CSMD1: variants seen among roughly 807,000 people sequenced by gnomAD.
The protein encoded by CSMD1 is CUB and sushi domain-containing protein 1.
Under a neutral mutation model 417.5 loss-of-function variants are expected in CSMD1, and 213 were observed. That is an observed-to-expected ratio of 0.51 (90% CI 0.46 to 0.57). CSMD1 has a LOEUF of 0.57. Ranked by LOEUF, CSMD1 falls within the 20% of genes least tolerant of loss-of-function variation. CSMD1 has a pLI of 0.00. For missense variants in CSMD1, 6,923 were observed against 4,529.7 expected (o/e 1.53, Z -15.17); for synonymous variants, 2,862 against 1,736.8 (o/e 1.65, Z -16.11).
At chr8:3,140,381 TCA>T (rs1265299434) in intron 41 of CSMD1, among the ~76,000 whole-genome samples, 5 of 152,072 alleles carry the variant, frequency 3.3e-5, no homozygotes, top group African/African-American at 1.2e-4. Flanking sequence ...CTCTCGTGCT[TCA>T]AGTAGGGAAT....
At chr8:4,981,888 C>A (rs371518345) in intron 1 of CSMD1, among the ~76,000 whole-genome samples, 7 of 152,118 alleles carry the variant, frequency 4.6e-5, no homozygotes, top group African/African-American at 1.7e-4. Flanking sequence ...CCCTCTCACC[C>A]TCTCTCTCTC....
At chr8:3,471,676 CCCTT>C (rs1286832868) in intron 11 of CSMD1, among the ~76,000 whole-genome samples, 131 of 140,168 alleles carry the variant, frequency 9.3e-4, no homozygotes, top group Middle Eastern at 7.5e-3. Context: ...CTCCCTCCCT[CCCTT>C]CCTTCCTTCC....
chr8:4,188,627 C>A (rs150420417), intron 3 of CSMD1, among the ~76,000 whole-genome samples: 1 of 152,046 alleles, frequency 6.6e-6, no homozygotes, highest in East Asian at 1.9e-4. Context: ...GTAAGATTCC[C>A]GCCTTTTATC....
In CSMD1 at chr8:2,960,939, GATAT is replaced by G. The variant is rs3076013; in HGVS notation, c.9702+198_9702+201del. On this transcript the variant is annotated intron_variant, in intron 62 of 69. Coordinates refer to ENST00000635120, the MANE Select transcript of CSMD1 (RefSeq NM_033225.6). Reference sequence around the variant, plus strand: ...TATTCCATTATTATCTAGTAAGCAAGATATATATATATATATATATATATATACA... The same window carrying G: ...TATTCCATTATTATCTAGTAAGCAAGATATATATATATATATATATATACA... 1.9e-3 allele frequency among the ~76,000 whole-genome samples: 236 copies of G among 122,024 alleles called. 1 individual carries two copies. The highest frequency in any genetic ancestry group is 8.2e-3 in the East Asian group (30 of 3,638). 80.1% of individuals were successfully genotyped at this position (122,024 alleles called of 152,430 possible).
chr8:4,888,888 C>T (rs1326027734), intron 1 of CSMD1, among the ~76,000 whole-genome samples: 1 of 151,986 alleles, frequency 6.6e-6, no homozygotes, highest in Non-Finnish European at 1.5e-5. Context: ...AGATTTGTAA[C>T]CCATACATTC....
At chr8:3,012,225 T>C (rs1322684646) in intron 52 of CSMD1, among the ~76,000 whole-genome samples, 1 of 152,228 alleles carries the variant, frequency 6.6e-6, no homozygotes, top group Non-Finnish European at 1.5e-5. Flanking sequence ...TCTCACAAGG[T>C]TCTTCTTAGA....
intron 2 of CSMD1, among the ~76,000 whole-genome samples, chr8:4,509,340 A>G (rs1802697964): frequency 6.6e-6 from 1 of 152,158 alleles, no homozygotes; most frequent in Non-Finnish European, 1.5e-5. Context: ...CTGGAAAAAT[A>G]AAGCTTGATA....
chr8:3,828,430 G>C (rs1004773374), intron 5 of CSMD1, among the ~76,000 whole-genome samples: 1 of 152,050 alleles, frequency 6.6e-6, no homozygotes, highest in Non-Finnish European at 1.5e-5. Context: ...CTCTGACTTG[G>C]AATACAAAAA....
At chr8:3,778,936 G>C (rs1356697648) in intron 5 of CSMD1, among the ~76,000 whole-genome samples, 2 of 152,168 alleles carry the variant, frequency 1.3e-5, no homozygotes, top group African/African-American at 2.4e-5. Context: ...CAAAAATGCT[G>C]TTTCTGGGAG....
At chr8:4,582,257 A>G (rs1236129804) in intron 2 of CSMD1, among the ~76,000 whole-genome samples, 2 of 152,176 alleles carry the variant, frequency 1.3e-5, no homozygotes, top group Non-Finnish European at 2.9e-5. Context: ...TGACCTAAAA[A>G]ATGGTCCCGG....
At chr8:4,342,569 T>G (rs749234333) in intron 3 of CSMD1, among the ~76,000 whole-genome samples, 10 of 151,978 alleles carry the variant, frequency 6.6e-5, no homozygotes, top group Non-Finnish European at 1.5e-4. Context: ...TCCTCTCAGA[T>G]GGACACTTCC....
chr8:3,182,494 T>G (rs1357667343), intron 36 of CSMD1, among the ~76,000 whole-genome samples: 6 of 151,882 alleles, frequency 4.0e-5, no homozygotes, highest in African/African-American at 1.5e-4. Context: ...GGATTACAGG[T>G]GTGAGCCACT....
chr8:4,504,655 C>A (rs1802428139), intron 2 of CSMD1, among the ~76,000 whole-genome samples: 1 of 152,112 alleles, frequency 6.6e-6, no homozygotes, highest in African/African-American at 2.4e-5. Context: ...CCGACAAACC[C>A]CAGTGTGTGA....
chr8:4,545,338 T>A (rs1797581587), intron 2 of CSMD1, among the ~76,000 whole-genome samples: 2 of 152,218 alleles, frequency 1.3e-5, no homozygotes, highest in Admixed American at 1.3e-4. Flanking sequence ...CCTTCATAAA[T>A]ATTTATTATT....
chr8:4,143,598 G>C (rs1803929088), intron 3 of CSMD1, among the ~76,000 whole-genome samples: 1 of 151,038 alleles, frequency 6.6e-6, no homozygotes, highest in Non-Finnish European at 1.5e-5. Flanking sequence ...TTAACTAGTT[G>C]TGATGCCCAT....
intron 1 of CSMD1, among the ~76,000 whole-genome samples, chr8:4,706,328 C>G (rs1208889999): frequency 6.6e-6 from 1 of 152,026 alleles, no homozygotes; most frequent in Non-Finnish European, 1.5e-5. Context: ...AAATAAAATA[C>G]TTTTCCACAT....
chr8:3,308,107 C>T (rs551606135), intron 24 of CSMD1, among the ~76,000 whole-genome samples: 1 of 152,024 alleles, frequency 6.6e-6, no homozygotes, highest in Non-Finnish European at 1.5e-5. Context: ...TACCTATAGT[C>T]TCCATAACAG....
chr8:4,518,279 C>T (rs1418627365), intron 2 of CSMD1, among the ~76,000 whole-genome samples: 1 of 151,756 alleles, frequency 6.6e-6, no homozygotes, highest in African/African-American at 2.4e-5. Context: ...ATCCGACGCC[C>T]AGCAGCAGCA....
At chr8:4,896,900 T>C (rs1345457525) in intron 1 of CSMD1, among the ~76,000 whole-genome samples, 1 of 152,074 alleles carries the variant, frequency 6.6e-6, no homozygotes, top group Non-Finnish European at 1.5e-5. Flanking sequence ...AACAGTATCT[T>C]GGGCTCCTTT....
Sources: allele counts gnomAD v4.1 joint callset (sites outside exome capture counted in the v4.1 genomes callset), GRCh38; gene constraint gnomAD v4.1.1; transcripts MANE v1.5; gene names NCBI Gene and HGNC (gene_info 2026-07-23, HGNC 2026-07-21).